The following NRXN3 variants were observed in gnomAD, a reference collection of about 807,000 sequenced individuals.
The protein encoded by NRXN3 is neurexin III.
Under a neutral mutation model 137.6 loss-of-function variants are expected in NRXN3, and 32 were observed. The ratio of observed to expected loss-of-function variants is 0.23; its 90% CI spans 0.18 to 0.31. The LOEUF (loss-of-function observed/expected upper bound fraction) is 0.31. Among genes scored for constraint, NRXN3 ranks in the 10% least tolerant of loss-of-function variants. The pLI is 1.00. For synonymous variants in NRXN3, 798 were observed against 784.5 expected (o/e 1.02, Z -0.29); for missense variants, 1,574 against 2,062.5 (o/e 0.76, Z 4.59).
Position 78,868,586 on chromosome 14 carries a change from G to A in NRXN3, c.2275+58242G>A, listed in dbSNP as rs960084625. ...TGTAATCTCAGCACTTTGGGAGGCC[G>A]AGGTGGGTGGATCACCTGAGGTCAG... On this transcript the variant is annotated intron_variant, in intron 10 of 20. Coordinates refer to ENST00000335750, the MANE Select transcript of NRXN3 (RefSeq NM_001330195.2). Among the ~76,000 whole-genome samples the A allele has an allele frequency of 2.1e-4, 32 of 152,152 alleles. 1 individual carries two copies. The highest frequency in any genetic ancestry group is 2.0e-3 in the Admixed American group (31 of 15,266).
intron 2 of NRXN3, among the ~76,000 whole-genome samples, chr14:78,271,407 G>C (rs2072714559): frequency 6.6e-6 from 1 of 151,782 alleles, no homozygotes; most frequent in African/African-American, 2.4e-5. Flanking sequence ...TAAATGACAA[G>C]TGGCAAAGCT....
intron 10 of NRXN3, among the ~76,000 whole-genome samples, chr14:78,906,895 T>C (rs1391790510): frequency 6.6e-6 from 1 of 151,972 alleles, no homozygotes; most frequent in Non-Finnish European, 1.5e-5. Flanking sequence ...AGGGCTTTGT[T>C]AACTGTGACT....
intron 15 of NRXN3, among the ~76,000 whole-genome samples, chr14:79,298,555 A>G (rs1029007930): frequency 3.3e-5 from 5 of 152,060 alleles, no homozygotes; most frequent in South Asian, 2.1e-4. Context: ...GTGAGCTGCT[A>G]TTTGAAAGAT....
chr14:78,684,440 TGA>T (rs1280317090), intron 6 of NRXN3, among the ~76,000 whole-genome samples: 2 of 152,210 alleles, frequency 1.3e-5, no homozygotes, highest in African/African-American at 4.8e-5. Context: ...GTATTTCTTC[TGA>T]GACACCCCTT....
At chr14:79,499,238 G>A (rs7145924) in intron 16 of NRXN3, among the ~76,000 whole-genome samples, 5,653 of 152,074 alleles carry the variant, frequency 0.037, 335 homozygotes, top group African/African-American at 0.13. Flanking sequence ...CATCCTCCTC[G>A]TCTACCACTT....
Position 79,432,827 on chromosome 14 carries a change from G to A in NRXN3, c.3263-34394G>A, listed in dbSNP as rs1013048943. ...CTTCTGAATCTTTTGTGATTGGCAC[G>A]TGTTACTGAGATGCAGACACATGCA... On this transcript the variant is annotated intron_variant, in intron 15 of 20. Transcript: ENST00000335750. Among the ~76,000 whole-genome samples, 12 of 152,216 alleles carry A rather than the reference G, an allele frequency of 7.9e-5. No individual in the cohort carries two copies. The East Asian group carries it at 1.2e-3, about 15-fold the overall frequency.
At chr14:78,291,215 G>A (rs1222219156) in intron 3 of NRXN3, among the ~76,000 whole-genome samples, 1 of 152,202 alleles carries the variant, frequency 6.6e-6, no homozygotes. Context: ...CTGGTGCAGA[G>A]TCCTCACTTC....
At chr14:78,941,394 C>T (rs979558825) in intron 10 of NRXN3, among the ~76,000 whole-genome samples, 1 of 152,152 alleles carries the variant, frequency 6.6e-6, no homozygotes, top group African/African-American at 2.4e-5. Flanking sequence ...TTTCCTTACC[C>T]GTGGTGCTTC....
intron 16 of NRXN3, among the ~76,000 whole-genome samples, chr14:79,513,583 C>T (rs2096953598): frequency 6.6e-6 from 1 of 152,186 alleles, no homozygotes; most frequent in African/African-American, 2.4e-5. Flanking sequence ...TAATTTCATT[C>T]AATAGTACTT....
At chr14:79,380,821 T>A (rs1281510385) in intron 15 of NRXN3, among the ~76,000 whole-genome samples, 1 of 152,182 alleles carries the variant, frequency 6.6e-6, no homozygotes, top group Non-Finnish European at 1.5e-5. Context: ...TCAACCATTG[T>A]GGAAGTCAGT....
chr14:78,606,717 CA>C (rs1471331316), intron 4 of NRXN3, among the ~76,000 whole-genome samples: 1 of 152,158 alleles, frequency 6.6e-6, no homozygotes, highest in African/African-American at 2.4e-5. Flanking sequence ...CTTTCTTTCC[CA>C]GGAGACAGTC....
intron 1 of NRXN3, among the ~76,000 whole-genome samples, chr14:78,173,299 G>GA (rs2058919038): frequency 6.6e-6 from 1 of 151,402 alleles, no homozygotes; most frequent in Middle Eastern, 3.2e-3. Flanking sequence ...GCCTTTTAGA[G>GA]AAAAAAAAGA....
intron 10 of NRXN3, among the ~76,000 whole-genome samples, chr14:78,931,729 G>C (rs1402415638): frequency 6.6e-6 from 1 of 152,122 alleles, no homozygotes; most frequent in East Asian, 1.9e-4. Context: ...CAAAAGATCT[G>C]GGGTTGAGTT....
chr14:78,609,118 G>T (rs1009533872), intron 4 of NRXN3, among the ~76,000 whole-genome samples: 5 of 152,134 alleles, frequency 3.3e-5, no homozygotes, highest in African/African-American at 4.8e-5. Flanking sequence ...GAATAGCTCA[G>T]TCAGGATGGA....
In NRXN3 at chr14:78,297,863, A is replaced by G; in HGVS notation, c.757+3A>G. 13 of 1,536,226 alleles carry G rather than the reference A, an allele frequency of 8.5e-6. No homozygotes were observed. The highest frequency in any genetic ancestry group is 1.1e-5 in the Non-Finnish European group (13 of 1,146,894). ...CCACCTCATGATGAGTGAACAAGGT[A>G]GGTGCTTTGTGCTTGTGGTCCTGCA... On this transcript the variant is annotated splice_donor_region_variant and intron_variant, in intron 4 of 20. Transcript: ENST00000335750.
At chr14:79,511,639 C>G (rs1029996274) in intron 16 of NRXN3, among the ~76,000 whole-genome samples, 2 of 152,252 alleles carry the variant, frequency 1.3e-5, no homozygotes, top group East Asian at 3.9e-4. Context: ...CTTAGTCAAT[C>G]TTTGCAAACT....
chr14:79,053,577 G>A (rs1303911706), intron 15 of NRXN3, among the ~76,000 whole-genome samples: 2 of 152,092 alleles, frequency 1.3e-5, no homozygotes, highest in African/African-American at 4.8e-5. Context: ...GTGTGCGTGT[G>A]TATTTTGTAT....
At position 79,763,885 on chromosome 14, in the gene NRXN3, A is replaced by G. The variant is rs529880076; in HGVS notation, c.4015-41227A>G. ...GGGGTGGGGCACACACATTCAGATC[A>G]TAGCAATGGCAGCTAGGAGGAAGTA... On this transcript the variant is annotated intron_variant, in intron 19 of 20. Coordinates refer to ENST00000335750, the MANE Select transcript of NRXN3 (RefSeq NM_001330195.2). Among the ~76,000 whole-genome samples, 7 of 151,774 alleles carry G rather than the reference A, an allele frequency of 4.6e-5. No homozygotes were observed. The South Asian group carries it at 1.0e-3, about 22-fold the overall frequency.
intron 4 of NRXN3, among the ~76,000 whole-genome samples, chr14:78,585,142 G>A (rs929391684): frequency 1.3e-5 from 2 of 148,424 alleles, no homozygotes; most frequent in Admixed American, 1.3e-4. Context: ...GGAGATAAGG[G>A]GGGGGGGTGA....
Sources: allele counts gnomAD v4.1 joint callset (sites outside exome capture counted in the v4.1 genomes callset), GRCh38; gene constraint gnomAD v4.1.1; transcripts MANE v1.5; gene names NCBI Gene and HGNC (gene_info 2026-07-23, HGNC 2026-07-21).